The following SLC44A5 variants were observed in gnomAD, a reference collection of about 807,000 sequenced individuals.
The protein encoded by SLC44A5 is choline transporter-like protein 5.
A neutral mutation model predicts 101.8 loss-of-function variants in SLC44A5; 57 were observed. That is an observed-to-expected ratio of 0.56 (90% CI 0.45 to 0.70). The LOEUF (loss-of-function observed/expected upper bound fraction) is 0.70, where lower values mean the gene tolerates loss of function less well. Among genes scored for constraint, SLC44A5 ranks in the 30% least tolerant of loss-of-function variants. The probability of loss-of-function intolerance (pLI) is 0.00; values close to 1 mark genes in which losing one functional copy is unlikely to be tolerated. For missense variants in SLC44A5, 737 were observed against 853.1 expected, an observed-to-expected ratio of 0.86 and a Z score of 1.70; for synonymous variants, 281 against 290.9, an observed-to-expected ratio of 0.97 and a Z score of 0.35.
intron 2 of SLC44A5, among the ~76,000 whole-genome samples, chr1:75,426,868 T>C (rs1664340827): frequency 6.6e-6 from 1 of 152,200 alleles, no homozygotes; most frequent in Non-Finnish European, 1.5e-5. Flanking sequence ...AGCTTCCAGG[T>C]GCAGTGGCAG....
At chr1:75,261,384 TAAACACCTCTACTCAAAG>T (rs1268030003) in intron 6 of SLC44A5, among the ~76,000 whole-genome samples, 2 of 151,952 alleles carry the variant, frequency 1.3e-5, no homozygotes, top group Non-Finnish European at 2.9e-5. Flanking sequence ...GAGAATACTG[TAAACACCTCTACTCAAAG>T]AAACTAGAAA....
At chr1:75,616,932 C>A in the SLC44A5 span, among the ~76,000 whole-genome samples, 10 of 152,172 alleles carry the variant, frequency 6.6e-5, no homozygotes, top group Non-Finnish European at 2.9e-5. Context: ...ACAGTGGCCA[C>A]GTTCTTTCTC....
intron 4 of SLC44A5, among the ~76,000 whole-genome samples, chr1:75,302,103 A>ATTTT (rs1654495593): frequency 1.4e-4 from 10 of 73,406 alleles, no homozygotes; most frequent in Non-Finnish European, 1.7e-4. Flanking sequence ...CAGGTGCTCT[A>ATTTT]GTTTTTTTGT....
At chr1:75,553,781 C>T (rs1672067320) in intron 1 of SLC44A5, among the ~76,000 whole-genome samples, 1 of 152,166 alleles carries the variant, frequency 6.6e-6, no homozygotes, top group African/African-American at 2.4e-5. Flanking sequence ...AATTATTCAA[C>T]TCCCCATCAT....
chr1:75,222,145 G>A (rs1570395725), intron 14 of SLC44A5, among the ~76,000 whole-genome samples: 1 of 151,892 alleles, frequency 6.6e-6, no homozygotes, highest in South Asian at 2.1e-4. Context: ...TAGTAGAGAC[G>A]GGGTTTCTCC....
intron 6 of SLC44A5, among the ~76,000 whole-genome samples, chr1:75,253,807 G>T (rs1419905452): frequency 1.3e-5 from 2 of 152,068 alleles, no homozygotes; most frequent in African/African-American, 4.8e-5. Context: ...CAAGGGTAAG[G>T]TTTATACCTT....
chr1:75,481,663 A>G (rs1205324627), intron 2 of SLC44A5, among the ~76,000 whole-genome samples: 1 of 152,144 alleles, frequency 6.6e-6, no homozygotes, highest in East Asian at 1.9e-4. Flanking sequence ...AATGCTCACC[A>G]TCACTGGCCA....
the SLC44A5 span, among the ~76,000 whole-genome samples, chr1:75,691,033 T>C: frequency 2.6e-5 from 4 of 152,096 alleles, no homozygotes; most frequent in African/African-American, 9.6e-5. Context: ...CCCCAAACCC[T>C]GTCAGGTGTG....
chr1:75,664,603 A>T, the SLC44A5 span, among the ~76,000 whole-genome samples: 2 of 152,172 alleles, frequency 1.3e-5, no homozygotes, highest in African/African-American at 4.8e-5. Context: ...ACAGATAACC[A>T]AGGAGGTGAA....
At chr1:75,627,496 T>C in the SLC44A5 span, among the ~76,000 whole-genome samples, 4 of 151,972 alleles carry the variant, frequency 2.6e-5, no homozygotes, top group Admixed American at 1.3e-4. Flanking sequence ...CTAGGCAACA[T>C]AGCGAGACCT....
chr1:75,308,971 G>A (rs1334616823), intron 4 of SLC44A5, among the ~76,000 whole-genome samples: 2 of 152,120 alleles, frequency 1.3e-5, no homozygotes, highest in Non-Finnish European at 2.9e-5. Context: ...ATTGCCTGAT[G>A]ATGATAGGGG....
At chr1:75,640,297 A>C in the SLC44A5 span, among the ~76,000 whole-genome samples, 1 of 152,066 alleles carries the variant, frequency 6.6e-6, no homozygotes, top group South Asian at 2.1e-4. Flanking sequence ...GTCTCTCTCT[A>C]TGAGGTCTTT....
intron 19 of SLC44A5, 126 bp downstream of exon 19, chr1:75,215,628 G>T (rs1646945394): frequency 3.4e-6 from 2 of 587,904 alleles, no homozygotes; most frequent in Non-Finnish European, 6.1e-6. Flanking sequence ...TGGATTCACA[G>T]GCCTTATATC....
At chr1:75,473,486 T>C (rs190307967) in intron 2 of SLC44A5, among the ~76,000 whole-genome samples, 42 of 152,268 alleles carry the variant, frequency 2.8e-4, no homozygotes, top group African/African-American at 9.4e-4. Context: ...TTTGGTGAGG[T>C]AGGCGATGGG....
At chr1:75,357,979 G>A (rs967121440) in intron 3 of SLC44A5, among the ~76,000 whole-genome samples, 5 of 150,004 alleles carry the variant, frequency 3.3e-5, no homozygotes, top group African/African-American at 1.2e-4. Context: ...TCTGTTTCTA[G>A]TTCTGTGCTT....
chr1:75,476,542 C>T (rs1471788660), intron 2 of SLC44A5, among the ~76,000 whole-genome samples: 3 of 152,188 alleles, frequency 2.0e-5, no homozygotes, highest in African/African-American at 7.2e-5. Context: ...CAGGTCACTC[C>T]CACCTGAATA....
chr1:75,296,715 T>C (rs1157817448), intron 5 of SLC44A5, among the ~76,000 whole-genome samples: 1 of 152,102 alleles, frequency 6.6e-6, no homozygotes, highest in Non-Finnish European at 1.5e-5. Context: ...TCCTCAAAAC[T>C]CACGGGGTTT....
chr1:75,361,578 C>T (rs371712008), intron 3 of SLC44A5, among the ~76,000 whole-genome samples: 10 of 152,032 alleles, frequency 6.6e-5, no homozygotes, highest in South Asian at 2.1e-4. Context: ...TTTTGTCAAA[C>T]GCTTTTGTGC....
intron 9 of SLC44A5, among the ~76,000 whole-genome samples, chr1:75,240,735 A>G (rs1399954310): frequency 6.6e-6 from 1 of 152,036 alleles, no homozygotes; most frequent in African/African-American, 2.4e-5. Context: ...TTGACTGTCT[A>G]CTCAAACTAA....
Sources: allele counts gnomAD v4.1 joint callset (sites outside exome capture counted in the v4.1 genomes callset), GRCh38; gene constraint gnomAD v4.1.1; transcripts MANE v1.5; gene names NCBI Gene and HGNC (gene_info 2026-07-23, HGNC 2026-07-21).